Variants in RNF112 observed in about 807,000 individuals in gnomAD.
RNF112 encodes brain finger protein.
A neutral mutation model predicts 64.7 loss-of-function variants in RNF112; 34 were observed. The observed-to-expected ratio is 0.53, with a 90% CI of 0.40 to 0.70. The LOEUF (loss-of-function observed/expected upper bound fraction) is 0.70, where lower values mean the gene tolerates loss of function less well. RNF112 is among the 30% of genes least tolerant of loss of function. The pLI is 0.00. For missense variants in RNF112, 734 were observed against 850.0 expected, an observed-to-expected ratio of 0.86 and a Z score of 1.70; for synonymous variants, 345 against 344.5, an observed-to-expected ratio of 1.00 and a Z score of -0.02.
chr17:19,415,399 G>T lies in RNF112; in HGVS notation c.1350+60G>T. 1 of 1,552,268 alleles carries T rather than the reference G, an allele frequency of 6.4e-7. No individual in the cohort carries two copies. Among genetic ancestry groups the T allele is most frequent in the South Asian group, 1.2e-5 (1 of 82,728 alleles). On this transcript the variant is annotated intron_variant, in intron 12 of 13. Transcript: ENST00000461366. This position sits in a 1 kb window ranked among gnomAD's most constrained non-coding sequence, Gnocchi z 7.8. ...GAGACAGGGGAGGCAGGGAGGTGGG[G>T]GCTGTGCCGAGGCCTCCGGGGTGGG... is the stretch of plus-strand genomic sequence containing the variant.
At position 19,415,935 on chromosome 17, in the gene RNF112, T is replaced by A. The variant is rs377071776; in HGVS notation, c.1656T>A (p.Gly552=). 60 of 1,601,444 alleles carry A rather than the reference T, an allele frequency of 3.7e-5. No homozygotes were observed. The highest frequency in any genetic ancestry group is 4.9e-5 in the Non-Finnish European group (58 of 1,175,294). ...RFCGHLAAVG[G]AVGAGLMGLA... is the part of the protein sequence containing the mutation. ...GTGGCCACCTAGCTGCTGTGGGGGG[T>A]GCTGTGGGGGCCGGGCTCATGGGCC... Residue 552 remains glycine (G), a synonymous_variant, in exon 14 of 14, where the codon GGT becomes GGA. Transcript: ENST00000461366. This position sits in a 1 kb window ranked among gnomAD's most constrained non-coding sequence, Gnocchi z 7.8.
At chr17:19,411,763 C>G in intron 2 of RNF112, 93 bp downstream of exon 2, 4 of 1,355,894 alleles carry the variant, frequency 3.0e-6, no homozygotes, top group East Asian at 2.5e-5. Context: ...GCCCGGCAGC[C>G]CAGCCGGGAG....
rs372670036 is a variant in RNF112 at position 19,413,272 on chromosome 17, C to A, written c.589-8C>A. On this transcript the variant is annotated splice_polypyrimidine_tract_variant and splice_region_variant and intron_variant, in intron 4 of 13. Coordinates refer to ENST00000461366, the MANE Select transcript of RNF112 (RefSeq NM_007148.5). The surrounding 1 kb of genome is among the most constrained non-coding windows in gnomAD (Gnocchi z 5.9). ...ACCAACTGATGCTCTCCCTTCTCTC[C>A]CCTGCAGGAGTCTGGTGAGGGCGGC... The A allele has an allele frequency of 2.9e-5, 47 of 1,605,740 alleles. No individual in the cohort carries two copies. The highest frequency in any genetic ancestry group is 1.7e-4 in the Middle Eastern group (1 of 6,032).
intron 8 of RNF112, 40 bp from the exon 9 acceptor site, chr17:19,414,546 C>T: frequency 6.2e-7 from 1 of 1,613,860 alleles, no homozygotes; most frequent in Non-Finnish European, 8.5e-7. Context: ...CCAGGCCCCG[C>T]CACCCCCATT....
rs745336186 is a variant in RNF112 at position 19,415,612 on chromosome 17, G to A, written c.1425+20G>A. ...CAGCAGGTGAGCCCCGGGGCTGCAC[G>A]GGAGGCAGGTGTGGGCCGGGCAGGG... is the stretch of plus-strand genomic sequence containing the variant. On this transcript the variant is annotated intron_variant, in intron 13 of 13. Transcript: ENST00000461366. The surrounding 1 kb of genome is among the most constrained non-coding windows in gnomAD (Gnocchi z 7.8). 9 of 1,610,174 alleles carry A rather than the reference G, an allele frequency of 5.6e-6. No individual in the cohort carries two copies. Among genetic ancestry groups the A allele is most frequent in the East Asian group, 2.2e-5 (1 of 44,776 alleles).
Position 19,415,491 on chromosome 17 carries a change from A to G in RNF112, c.1351-27A>G. 1 of 1,599,720 alleles carries G rather than the reference A, an allele frequency of 6.3e-7. No homozygotes were observed. Among genetic ancestry groups the G allele is most frequent in the South Asian group, 1.1e-5 (1 of 88,592 alleles). On this transcript the variant is annotated intron_variant, in intron 12 of 13. Coordinates refer to ENST00000461366, the MANE Select transcript of RNF112 (RefSeq NM_007148.5). The surrounding 1 kb of genome is among the most constrained non-coding windows in gnomAD (Gnocchi z 7.8). ...GCCCCTGGCTGAGAAGGAAGGAAGG[A>G]GGCAGCCTGGGTTTTCCCGTGGACA...
At chr17:19,414,020 A>T (rs1913773852) in intron 6 of RNF112, 75 bp from the exon 7 acceptor site, 2 of 1,317,538 alleles carry the variant, frequency 1.5e-6, no homozygotes, top group Non-Finnish European at 2.2e-6. Flanking sequence ...CGAGCTCCCT[A>T]CTCACCAGGG....
chr17:19,415,732 G>T lies in RNF112; in HGVS notation c.1453G>T (p.Ala485Ser). 6.2e-7 allele frequency: 1 copy of T among 1,612,256 alleles called. No homozygotes were observed. Among genetic ancestry groups the T allele is most frequent in the Non-Finnish European group, 8.5e-7 (1 of 1,179,196 alleles). ...QDVATKRIFS[A>S]LRVLPDTMRN... is the part of the protein sequence containing the mutation. Reference sequence around the variant, plus strand: ...CGTAGCCACCAAGCGCATATTCTCTGCGCTGCGGGTCCTGCCAGACACCAT... The same window carrying T: ...CGTAGCCACCAAGCGCATATTCTCTTCGCTGCGGGTCCTGCCAGACACCAT... The change falls in exon 14 of 14, where the codon GCG becomes TCG. Residue 485 changes from alanine to serine, a missense_variant. Physicochemically the swap from Ala to Ser is moderately conservative, Grantham distance 99. Coordinates refer to ENST00000461366, the MANE Select transcript of RNF112 (RefSeq NM_007148.5). The surrounding 1 kb of genome is among the most constrained non-coding windows in gnomAD (Gnocchi z 7.8).
Position 19,411,238 on chromosome 17 carries a change from C to T in RNF112, c.-171C>T. On this transcript the variant is annotated 5_prime_UTR_variant, in exon 1 of 14. Transcript: ENST00000461366. ...CTCCTCTTTCCTGACTGTCACATTT[C>T]TTTTCCAGCTCTGACCGGGAGTCAG... The T allele has an allele frequency of 1.6e-6, 1 of 624,850 alleles. No homozygotes were observed. Among genetic ancestry groups the T allele is most frequent in the Non-Finnish European group, 2.8e-6 (1 of 357,448 alleles). 38.7% of individuals were successfully genotyped at this position (624,850 alleles called of 1,614,324 possible).
rs1913706366 is a variant in RNF112 at position 19,412,700 on chromosome 17, A to G, written c.298A>G (p.Ile100Val). The G allele has an allele frequency of 6.2e-7, 1 of 1,613,168 alleles. No individual in the cohort carries two copies. Among genetic ancestry groups the G allele is most frequent in the African/African-American group, 1.3e-5 (1 of 74,928 alleles). The change falls in exon 3 of 14, where the codon ATA becomes GTA. Residue 100 changes from isoleucine to valine, a missense_variant. By Grantham distance (29) the Ile-to-Val change is conservative (BLOSUM62 3). Coordinates refer to ENST00000461366, the MANE Select transcript of RNF112 (RefSeq NM_007148.5). The surrounding 1 kb of genome is among the most constrained non-coding windows in gnomAD (Gnocchi z 5.1). ...GCCCTGCTGTCCTGAGTGCCGGAAG[A>G]TATGCAAGCAGAAGAGGGGCCTCCG... ...EPPCCPECRK[I>V]CKQKRGLRSL...
In RNF112 at chr17:19,414,444, C is replaced by A. The variant is rs1179801754; in HGVS notation, c.877-5C>A. 8 of 1,613,992 alleles carry A rather than the reference C, an allele frequency of 5.0e-6. No individual in the cohort carries two copies. Among genetic ancestry groups the A allele is most frequent in the Non-Finnish European group, 6.8e-6 (8 of 1,179,872 alleles). ...GCCCTGACGCTTTCTGTGTCCCACC[C>A]CCAGATGTTTGTCCACGTGGCCGAG... On this transcript the variant is annotated splice_polypyrimidine_tract_variant and splice_region_variant and intron_variant, in intron 7 of 13. Transcript: ENST00000461366.
Position 19,411,310 on chromosome 17 carries a change from C to G in RNF112, c.-99C>G. ...CGACCTCACCTTCTACCTACCGCAG[C>G]CTGCTAGCCTTTCCGGGAGAAAAGG... On this transcript the variant is annotated 5_prime_UTR_variant, in exon 1 of 14. Coordinates refer to ENST00000461366, the MANE Select transcript of RNF112 (RefSeq NM_007148.5). 2 of 1,168,306 alleles carry G rather than the reference C, an allele frequency of 1.7e-6. No homozygotes were observed. Among genetic ancestry groups the G allele is most frequent in the Non-Finnish European group, 2.4e-6 (2 of 819,686 alleles). 72.4% of individuals were successfully genotyped at this position (1,168,306 alleles called of 1,614,324 possible). A position where few individuals can be genotyped will look rare whatever the true frequency, so the allele number is the denominator to read the frequency against.
At position 19,412,784 on chromosome 17, in the gene RNF112, G is replaced by T; in HGVS notation, c.381+1G>T. 2 of 1,608,672 alleles carry T rather than the reference G, an allele frequency of 1.2e-6. No homozygotes were observed. The highest frequency in any genetic ancestry group is 1.7e-6 in the Non-Finnish European group (2 of 1,178,718). On this transcript the variant is annotated splice_donor_variant, in intron 3 of 13. Coordinates refer to ENST00000461366, the MANE Select transcript of RNF112 (RefSeq NM_007148.5). LOFTEE classifies it high-confidence loss of function. The surrounding 1 kb of genome is among the most constrained non-coding windows in gnomAD (Gnocchi z 5.1). ...GCGGCCGCTGCCCCCTGCACTGCAG[G>T]TCTGGGGACTGGGCCTAATCAGTCA...
Position 19,415,633 on chromosome 17 carries a change from C to A in RNF112, c.1425+41C>A. ...GCACGGGAGGCAGGTGTGGGCCGGGCAGGGTCCAGATCAGGGAGAGGATAC... is the reference window on the plus strand; with the variant it reads ...GCACGGGAGGCAGGTGTGGGCCGGGAAGGGTCCAGATCAGGGAGAGGATAC... On this transcript the variant is annotated intron_variant, in intron 13 of 13. Coordinates refer to ENST00000461366, the MANE Select transcript of RNF112 (RefSeq NM_007148.5). This position sits in a 1 kb window ranked among gnomAD's most constrained non-coding sequence, Gnocchi z 7.8. The A allele has an allele frequency of 6.2e-7, 1 of 1,606,454 alleles. No homozygotes were observed. The highest frequency in any genetic ancestry group is 8.5e-7 in the Non-Finnish European group (1 of 1,176,262).
At position 19,415,624 on chromosome 17, in the gene RNF112, TGGGCCGGGCA is replaced by T. The variant is rs1913857358; in HGVS notation, c.1425+36_1425+45del. On this transcript the variant is annotated intron_variant, in intron 13 of 13. Transcript: ENST00000461366. This position sits in a 1 kb window ranked among gnomAD's most constrained non-coding sequence, Gnocchi z 7.8. ...CCCGGGGCTGCACGGGAGGCAGGTG[TGGGCCGGGCA>T]GGGTCCAGATCAGGGAGAGGATACC... 1 of 1,608,540 alleles carries T rather than the reference TGGGCCGGGCA, an allele frequency of 6.2e-7. No individual in the cohort carries two copies. The highest frequency in any genetic ancestry group is 1.3e-5 in the African/African-American group (1 of 74,848).
rs1255088046 is a variant in RNF112 at position 19,416,137 on chromosome 17, C to T, written c.1858C>T (p.Leu620=). Residue 620 remains leucine (L), a synonymous_variant, in exon 14 of 14, where the codon CTG becomes TTG. Coordinates refer to ENST00000461366, the MANE Select transcript of RNF112 (RefSeq NM_007148.5). ...GGAGAAGGAGGAGGATGAGAGGCTT[C>T]TGGAAGGGGACCGAGAGCCCCTTCT... is the stretch of plus-strand genomic sequence containing the variant. ...CMEKEEDERL[L]EGDREPLLQE... The T allele has an allele frequency of 6.4e-7, 1 of 1,574,028 alleles. No individual in the cohort carries two copies. The highest frequency in any genetic ancestry group is 8.6e-7 in the Non-Finnish European group (1 of 1,160,476).
In RNF112 at chr17:19,416,267, G is replaced by A; in HGVS notation, c.*92G>A. The A allele has an allele frequency of 8.3e-7, 1 of 1,210,490 alleles. No individual in the cohort carries two copies. Among genetic ancestry groups the A allele is most frequent in the South Asian group, 1.5e-5 (1 of 66,430 alleles). The allele number at this position is 1,210,490 out of a possible 1,614,324, so 75.0% of individuals were successfully genotyped here. A position where few individuals can be genotyped will look rare whatever the true frequency, so the allele number is the denominator to read the frequency against. On this transcript the variant is annotated 3_prime_UTR_variant, in exon 14 of 14. Coordinates refer to ENST00000461366, the MANE Select transcript of RNF112 (RefSeq NM_007148.5). Reference sequence around the variant, plus strand: ...GGGAGGGTGATGCCAGGGATTCCAAGGCACCGCCATGTACTGCACTGCCCT... The same window carrying A: ...GGGAGGGTGATGCCAGGGATTCCAAAGCACCGCCATGTACTGCACTGCCCT...
Position 19,415,125 on chromosome 17 carries a change from A to G in RNF112, c.1214A>G (p.Gln405Arg). The change falls in exon 11 of 14, where the codon CAG becomes CGG. Residue 405 changes from glutamine (Q) to arginine (R), a missense_variant. Transcript: ENST00000461366. The surrounding 1 kb of genome is among the most constrained non-coding windows in gnomAD (Gnocchi z 7.8). ...CCCCAGCACGCTAAGAGCCGCTGCCAGGGGTACTGGAACGAGGGGCGCGCC... is the reference window on the plus strand; with the variant it reads ...CCCCAGCACGCTAAGAGCCGCTGCCGGGGGTACTGGAACGAGGGGCGCGCC... ...AAPQHAKSRC[Q>R]GYWNEGRAVA... 6.2e-7 allele frequency: 1 copy of G among 1,608,856 alleles called. No homozygotes were observed. Among genetic ancestry groups the G allele is most frequent in the South Asian group, 1.1e-5 (1 of 90,706 alleles).
Position 19,413,411 on chromosome 17 carries a change from G to A in RNF112, c.720G>A (p.Lys240=). 6.2e-7 allele frequency: 1 copy of A among 1,611,290 alleles called. No individual in the cohort carries two copies. The highest frequency in any genetic ancestry group is 8.5e-7 in the Non-Finnish European group (1 of 1,178,282). Residue 240 remains lysine (K), a splice_region_variant and synonymous_variant, in exon 5 of 14, where the codon AAG becomes AAA. Coordinates refer to ENST00000461366, the MANE Select transcript of RNF112 (RefSeq NM_007148.5). This position sits in a 1 kb window ranked among gnomAD's most constrained non-coding sequence, Gnocchi z 5.9. ...HPFLLGKEGK[K]VAVFLVDTGD... ...TCTTGCTGGGGAAAGAAGGGAAGAAGGTGAGGGGGGAAGTGGCAGAAGGAG... is the reference window on the plus strand; with the variant it reads ...TCTTGCTGGGGAAAGAAGGGAAGAAAGTGAGGGGGGAAGTGGCAGAAGGAG...
Sources: gnomAD v4.1 joint callset for allele counts on GRCh38, gnomAD v4.1.1 for gene constraint, Gnocchi (gnomAD v3.1) non-coding constraint, MANE v1.5 for transcripts, NCBI Gene and HGNC (gene_info 2026-07-23, HGNC 2026-07-21) for gene names.